The following IFT57 variants were observed in gnomAD, a reference collection of about 807,000 sequenced individuals.
IFT57 encodes the protein intraflagellar transport protein 57 homolog.
IFT57 carries 59 observed loss-of-function variants against 56.8 expected under a neutral mutation model. The ratio of observed to expected loss-of-function variants is 1.04; its 90% CI spans 0.84 to 1.29. IFT57 has a LOEUF of 1.29. Among genes scored for constraint, IFT57 ranks in the 50% most tolerant of loss-of-function variants. The pLI is 0.00. For synonymous variants in IFT57, 209 were observed against 186.1 expected (o/e 1.12, Z -1.00); for missense variants, 470 against 522.1 (o/e 0.90, Z 0.97).
At chr3:108,167,121 A>C in intron 7 of IFT57, 136 bp from the exon 8 acceptor site, 1 of 662,404 alleles carries the variant, frequency 1.5e-6, no homozygotes, top group South Asian at 2.2e-5. Flanking sequence ...TGAAATTTTC[A>C]ATAGCACAAA....
chr3:108,209,258 A>T (rs1576048398), intron 4 of IFT57, among the ~76,000 whole-genome samples: 1 of 152,224 alleles, frequency 6.6e-6, no homozygotes, highest in South Asian at 2.1e-4. Flanking sequence ...GTATTTAAGT[A>T]TTATTACTTT....
At chr3:108,181,362 GAAAC>G (rs1185279196) in intron 6 of IFT57, among the ~76,000 whole-genome samples, 2 of 151,996 alleles carry the variant, frequency 1.3e-5, no homozygotes, top group African/African-American at 2.4e-5. Flanking sequence ...GGATCCACAT[GAAAC>G]AAACAAACAG....
At chr3:108,219,337 ATT>A (rs1209304144) in intron 2 of IFT57, 71 bp downstream of exon 2, 3 of 1,277,418 alleles carry the variant, frequency 2.3e-6, no homozygotes, top group Non-Finnish European at 2.3e-6. Context: ...AATGGCTAGC[ATT>A]TGTTATTAAA....
At chr3:108,209,007 C>T (rs2080328734) in intron 4 of IFT57, among the ~76,000 whole-genome samples, 1 of 152,102 alleles carries the variant, frequency 6.6e-6, no homozygotes, top group African/African-American at 2.4e-5. Context: ...GTCTGAGTCA[C>T]CCCACCAGGT....
chr3:108,166,466 T>C (rs2080063556), intron 8 of IFT57, among the ~76,000 whole-genome samples: 1 of 118,648 alleles, frequency 8.4e-6, no homozygotes, highest in Non-Finnish European at 1.9e-5. Context: ...TGGCAAGGAC[T>C]GTCTTTTTCC....
In IFT57 at chr3:108,222,154, C is replaced by T. The variant is rs1031259546; in HGVS notation, c.169G>A (p.Glu57Lys). ...LVEKLKLLRY[E>K]EEFLRKSNLK... Reference sequence around the variant, plus strand: ...TTGCTCTTCCGGAGGAACTCCTCCTCGTAGCGGAGCAGCTTCAGCTTCTCC... The same window carrying T: ...TTGCTCTTCCGGAGGAACTCCTCCTTGTAGCGGAGCAGCTTCAGCTTCTCC... The change falls in exon 1 of 11, where the codon GAG becomes AAG. Residue 57 changes from glutamate to lysine, a missense_variant. By Grantham distance (56) the Glu-to-Lys change is moderately conservative. Coordinates refer to ENST00000264538, the MANE Select transcript of IFT57 (RefSeq NM_018010.4). The T allele has an allele frequency of 6.2e-7, 1 of 1,613,312 alleles. No homozygotes were observed. The highest frequency in any genetic ancestry group is 8.5e-7 in the Non-Finnish European group (1 of 1,179,700).
At chr3:108,185,604 G>C (rs1262527340) in intron 6 of IFT57, among the ~76,000 whole-genome samples, 1 of 142,530 alleles carries the variant, frequency 7.0e-6, no homozygotes, top group Non-Finnish European at 1.5e-5. Flanking sequence ...CGTTGCCCAG[G>C]CTGGAGTGCA....
chr3:108,184,258 T>C (rs1000485040), intron 6 of IFT57, among the ~76,000 whole-genome samples: 1 of 152,136 alleles, frequency 6.6e-6, no homozygotes, highest in African/African-American at 2.4e-5. Context: ...ATCTGAATTG[T>C]TCTCTGGATA....
chr3:108,175,841 T>A (rs1328982655), intron 6 of IFT57, among the ~76,000 whole-genome samples: 2 of 151,390 alleles, frequency 1.3e-5, no homozygotes, highest in Non-Finnish European at 3.0e-5. Context: ...TGGAGAGGCA[T>A]AGTGCTAAAG....
chr3:108,174,457 G>A lies in IFT57; in HGVS notation c.778-6593C>T, dbSNP rs566522369. On this transcript the variant is annotated intron_variant, in intron 6 of 10. Transcript: ENST00000264538. The stretch of plus-strand genomic sequence containing the variant: ...AACAATAAGAGTAATTCTTACATTA[G>A]TAGAGAATCCATTAGATTACAATGC... Among the ~76,000 whole-genome samples the A allele has an allele frequency of 4.0e-5, 6 of 151,620 alleles. No individual in the cohort carries two copies. The East Asian group carries it at 1.2e-3, about 30-fold the overall frequency.
chr3:108,190,282 G>A (rs1419890666), intron 6 of IFT57, among the ~76,000 whole-genome samples: 2 of 152,174 alleles, frequency 1.3e-5, no homozygotes, highest in Non-Finnish European at 2.9e-5. Flanking sequence ...GTAAGGACAT[G>A]AGATTTGGGA....
chr3:108,175,983 C>T (rs993073671), intron 6 of IFT57, among the ~76,000 whole-genome samples: 2 of 151,830 alleles, frequency 1.3e-5, no homozygotes, highest in South Asian at 2.1e-4. Flanking sequence ...GCACTTTTTG[C>T]TTCTCCCTGC....
In IFT57 at chr3:108,166,886, C is replaced by T. The variant is rs1405465391; in HGVS notation, c.949G>A (p.Glu317Lys). The T allele has an allele frequency of 1.2e-6, 2 of 1,611,514 alleles. No individual in the cohort carries two copies. Among genetic ancestry groups the T allele is most frequent in the African/African-American group, 2.7e-5 (2 of 74,756 alleles). The change falls in exon 8 of 11, where the codon GAA becomes AAA. Residue 317 changes from glutamate (E) to lysine (K), a missense_variant. By Grantham distance (56) the Glu-to-Lys change is moderately conservative. Coordinates refer to ENST00000264538, the MANE Select transcript of IFT57 (RefSeq NM_018010.4). Reference sequence around the variant, plus strand: ...AGCTGGGCTTGAGCTGCACGATATTCTTGAACCAAATTCTCAAGCTGATTG... The same window carrying T: ...AGCTGGGCTTGAGCTGCACGATATTTTTGAACCAAATTCTCAAGCTGATTG... ...INNQLENLVQ[E>K]YRAAQAQLSE...
At chr3:108,199,202 C>A (rs1397646125) in intron 5 of IFT57, among the ~76,000 whole-genome samples, 1 of 152,050 alleles carries the variant, frequency 6.6e-6, no homozygotes, top group Non-Finnish European at 1.5e-5. Context: ...ACCCACGGAA[C>A]ATATTTTACT....
intron 5 of IFT57, among the ~76,000 whole-genome samples, chr3:108,199,708 GAATAGTGACTA>G (rs1333258142): frequency 6.6e-6 from 1 of 152,148 alleles, no homozygotes; most frequent in Non-Finnish European, 1.5e-5. Context: ...TACAGTCCAG[GAATAGTGACTA>G]AAACAATAAT....
At position 108,167,954 on chromosome 3, in the gene IFT57, T is replaced by G. The variant is rs1317019011; in HGVS notation, c.778-90A>C. 16 of 940,412 alleles carry G rather than the reference T, an allele frequency of 1.7e-5. 1 individual carries two copies. The Admixed American group carries it at 4.0e-4, about 24-fold the overall frequency. 58.3% of individuals were successfully genotyped at this position (940,412 alleles called of 1,614,324 possible). A position where few individuals can be genotyped will look rare whatever the true frequency, so the allele number is the denominator to read the frequency against. ...TGTGAAGTTGTAACCTTTAATTACTTTGGTTCCTGCCCTATTTCAGGTGGG... is the reference window on the plus strand; with the variant it reads ...TGTGAAGTTGTAACCTTTAATTACTGTGGTTCCTGCCCTATTTCAGGTGGG... On this transcript the variant is annotated intron_variant, in intron 6 of 10. Transcript: ENST00000264538.
intron 5 of IFT57, among the ~76,000 whole-genome samples, chr3:108,192,584 T>C (rs1429360614): frequency 6.6e-6 from 1 of 152,074 alleles, no homozygotes. Context: ...GGCAGTAATT[T>C]TGGTACCAAT....
chr3:108,162,849 G>A (rs928790070), intron 10 of IFT57, among the ~76,000 whole-genome samples, 194 bp from the exon 11 acceptor site: 1 of 152,112 alleles, frequency 6.6e-6, no homozygotes, highest in African/African-American at 2.4e-5. Flanking sequence ...GAAAAATGAT[G>A]TAGTGTTTGA....
At chr3:108,218,784 T>C (rs918619659) in intron 2 of IFT57, 131 bp from the exon 3 acceptor site, 1 of 475,166 alleles carries the variant, frequency 2.1e-6, no homozygotes, top group Non-Finnish European at 3.8e-6. Context: ...GTAATTACAC[T>C]GCTTCATACA....
Sources: gnomAD v4.1 joint callset for allele counts (sites outside exome capture counted in the v4.1 genomes callset) on GRCh38, gnomAD v4.1.1 for gene constraint, MANE v1.5 for transcripts, NCBI Gene and HGNC (gene_info 2026-07-23, HGNC 2026-07-21) for gene names.